The following COL25A1 variants were observed in gnomAD, a reference collection of about 807,000 sequenced individuals.
COL25A1 encodes the protein collagen alpha-1(XXV) chain.
In COL25A1, 103 loss-of-function variants were observed where a neutral mutation model predicts 128.4. That is an observed-to-expected ratio of 0.80 (90% CI 0.68 to 0.94). The LOEUF is 0.94. Among genes scored for constraint, COL25A1 ranks in the 40% least tolerant of loss-of-function variants. COL25A1 has a pLI of 0.00. For missense variants in COL25A1, 745 were observed against 840.0 expected, an observed-to-expected ratio of 0.89 and a Z score of 1.40; for synonymous variants, 279 against 277.2, an observed-to-expected ratio of 1.01 and a Z score of -0.06.
intron 24 of COL25A1, 39 bp downstream of exon 24, chr4:108,859,617 C>G (rs1560761176): frequency 1.3e-6 from 2 of 1,578,206 alleles, no homozygotes; most frequent in East Asian, 2.2e-5. Context: ...TCCTCAGCAT[C>G]CTTCTCAGTG....
chr4:108,981,900 A>G (rs557964146), intron 6 of COL25A1, among the ~76,000 whole-genome samples: 1 of 152,326 alleles, frequency 6.6e-6, no homozygotes, highest in East Asian at 1.9e-4. Context: ...TGACTTGAGG[A>G]TAAAGAAATA....
intron 3 of COL25A1, among the ~76,000 whole-genome samples, chr4:109,291,516 T>C (rs1724474807): frequency 6.6e-6 from 1 of 152,090 alleles, no homozygotes; most frequent in Non-Finnish European, 1.5e-5. Context: ...TTATAACGTA[T>C]ATTTTCTATA....
At chr4:109,247,341 CT>C (rs1243276048) in intron 3 of COL25A1, among the ~76,000 whole-genome samples, 1 of 148,974 alleles carries the variant, frequency 6.7e-6, no homozygotes, top group Non-Finnish European at 1.5e-5. Flanking sequence ...CAGAGCAAGA[CT>C]GAAAAAAAAA....
At chr4:109,109,922 CAT>C (rs911078435) in intron 3 of COL25A1, among the ~76,000 whole-genome samples, 17 of 152,308 alleles carry the variant, frequency 1.1e-4, no homozygotes, top group African/African-American at 4.1e-4. Flanking sequence ...TATTATCTCA[CAT>C]GTCATTGTTT....
At chr4:108,902,921 A>C (rs1334830286) in intron 13 of COL25A1, among the ~76,000 whole-genome samples, 1 of 152,030 alleles carries the variant, frequency 6.6e-6, no homozygotes, top group Non-Finnish European at 1.5e-5. Flanking sequence ...AGACCTATGG[A>C]GTCTGCTTGC....
chr4:109,038,997 G>A (rs1053126789), intron 5 of COL25A1, among the ~76,000 whole-genome samples: 4 of 152,110 alleles, frequency 2.6e-5, no homozygotes, highest in South Asian at 2.1e-4. Context: ...CCAGAATGAG[G>A]ACTGAGAGCC....
At chr4:108,910,931 C>T (rs1185845948) in intron 13 of COL25A1, among the ~76,000 whole-genome samples, 1 of 152,196 alleles carries the variant, frequency 6.6e-6, no homozygotes, top group Non-Finnish European at 1.5e-5. Context: ...TTCTCATAAA[C>T]TAATCCCACT....
chr4:109,166,227 T>C (rs1773057746), intron 3 of COL25A1, among the ~76,000 whole-genome samples: 1 of 150,818 alleles, frequency 6.6e-6, no homozygotes, highest in Non-Finnish European at 1.5e-5. Flanking sequence ...CCAGATTTCC[T>C]ACTGAATAAC....
At chr4:109,235,504 G>A (rs1429281352) in intron 3 of COL25A1, among the ~76,000 whole-genome samples, 2 of 151,572 alleles carry the variant, frequency 1.3e-5, no homozygotes, top group Admixed American at 1.3e-4. Flanking sequence ...AACTGCTGGA[G>A]CACTGAAGGT....
At chr4:108,913,791 C>T (rs2125888233) in intron 13 of COL25A1, among the ~76,000 whole-genome samples, 1 of 152,266 alleles carries the variant, frequency 6.6e-6, no homozygotes, top group South Asian at 2.1e-4. Flanking sequence ...AAATTATTCA[C>T]TATAAACATG....
intron 3 of COL25A1, among the ~76,000 whole-genome samples, chr4:109,065,543 CGCGTGTGTGT>C (rs1320094847): frequency 1.1e-4 from 14 of 131,216 alleles, no homozygotes; most frequent in African/African-American, 4.1e-4. Context: ...CGCGCGCGCG[CGCGTGTGTGT>C]GTGTGTGTGT....
chr4:108,957,660 T>C (rs1230581448), intron 8 of COL25A1, among the ~76,000 whole-genome samples: 2 of 152,194 alleles, frequency 1.3e-5, no homozygotes, highest in Admixed American at 1.3e-4. Flanking sequence ...AAAGAGTGAG[T>C]TCCTTGTTAC....
chr4:109,120,121 G>T (rs1767986314), intron 3 of COL25A1, among the ~76,000 whole-genome samples: 1 of 151,992 alleles, frequency 6.6e-6, no homozygotes, highest in African/African-American at 2.4e-5. Flanking sequence ...AATTAATACA[G>T]AAGAGCCTCT....
chr4:109,103,346 A>G (rs190296587), intron 3 of COL25A1, among the ~76,000 whole-genome samples: 3,239 of 152,288 alleles, frequency 0.021, 76 homozygotes, highest in Middle Eastern at 0.11. Flanking sequence ...TGAGACTGCA[A>G]TCAATGCTCC....
Position 109,145,067 on chromosome 4 carries a change from C to CT in COL25A1, c.368-94889dup, listed in dbSNP as rs11344199. ...CAAAATTTTTCAACTAAAACCTCAG[C>CT]TTTTTTTTTTTTTTTTTTTGAGACG... is the stretch of plus-strand genomic sequence containing the variant. On this transcript the variant is annotated intron_variant, in intron 3 of 37. Transcript: ENST00000399132. Among the ~76,000 whole-genome samples, 567 of 109,096 alleles carry CT rather than the reference C, an allele frequency of 5.2e-3. 7 individuals carry two copies. Among genetic ancestry groups the CT allele is most frequent in the Middle Eastern group, 0.019 (4 of 206 alleles). The allele number at this position is 109,096 out of a possible 152,430, so 71.6% of individuals were successfully genotyped here.
intron 3 of COL25A1, among the ~76,000 whole-genome samples, chr4:109,065,545 CGTGT>C (rs70949065): frequency 0.14 from 19,418 of 140,930 alleles, 1,351 homozygotes; most frequent in Middle Eastern, 0.22. Context: ...CGCGCGCGCG[CGTGT>C]GTGTGTGTGT....
chr4:108,899,691 C>A (rs1463316856), intron 14 of COL25A1, among the ~76,000 whole-genome samples: 2 of 152,074 alleles, frequency 1.3e-5, no homozygotes, highest in African/African-American at 4.8e-5. Flanking sequence ...TCTTGAACCC[C>A]TTACAATGTC....
chr4:109,062,985 G>A (rs1762102851), intron 3 of COL25A1, among the ~76,000 whole-genome samples: 1 of 152,208 alleles, frequency 6.6e-6, no homozygotes, highest in South Asian at 2.1e-4. Flanking sequence ...AGCCATGAGT[G>A]CCTATGCCAT....
At chr4:109,234,832 C>T (rs80215182) in intron 3 of COL25A1, among the ~76,000 whole-genome samples, 3,339 of 152,102 alleles carry the variant, frequency 0.022, 102 homozygotes, top group African/African-American at 0.068. Flanking sequence ...ATTCCCATCC[C>T]GTTCTTCCCA....
Sources: gnomAD v4.1 joint callset for allele counts (sites outside exome capture counted in the v4.1 genomes callset) on GRCh38, gnomAD v4.1.1 for gene constraint, MANE v1.5 for transcripts, NCBI Gene and HGNC (gene_info 2026-07-23, HGNC 2026-07-21) for gene names.